Variants in NXPE2 observed in about 807,000 individuals in gnomAD.
NXPE2 encodes NXPE family member 2.
Under a neutral mutation model 34.4 loss-of-function variants are expected in NXPE2, and 34 were observed. That is an observed-to-expected ratio of 0.99 (90% CI 0.75 to 1.31). The LOEUF (loss-of-function observed/expected upper bound fraction) is 1.31. NXPE2 is among the 40% of genes most tolerant of loss of function. The pLI, the probability that NXPE2 is intolerant of heterozygous loss-of-function variation, is 0.00. For missense variants in NXPE2, 649 were observed against 672.5 expected (o/e 0.97, Z 0.39); for synonymous variants, 235 against 231.3 (o/e 1.02, Z -0.15).
chr11:114,551,923 A>T, the NXPE2 span: 1 of 152,206 alleles, frequency 6.6e-6, no homozygotes, highest in African/African-American at 2.4e-5. Flanking sequence ...TATGATTTAA[A>T]TAGCTTATTT....
At chr11:114,658,939 G>T in the NXPE2 span, among the ~76,000 whole-genome samples, 1 of 152,166 alleles carries the variant, frequency 6.6e-6, no homozygotes, top group Admixed American at 6.5e-5. Context: ...ACAAGGGCAT[G>T]AAGAGAGGCT....
chr11:114,483,157 T>C, the NXPE2 span, among the ~76,000 whole-genome samples: 3 of 152,236 alleles, frequency 2.0e-5, no homozygotes. Flanking sequence ...AATTTCAATA[T>C]ATAGATTTGT....
At chr11:114,579,368 G>A in the NXPE2 span, among the ~76,000 whole-genome samples, 1 of 152,250 alleles carries the variant, frequency 6.6e-6, no homozygotes, top group Middle Eastern at 3.4e-3. Context: ...AGATTTGGAG[G>A]GGACAATCAG....
chr11:114,737,340 G>T, the NXPE2 span, among the ~76,000 whole-genome samples: 1 of 152,004 alleles, frequency 6.6e-6, no homozygotes, highest in Non-Finnish European at 1.5e-5. Context: ...CAGAGATTGG[G>T]GTAGAGATGG....
chr11:114,638,560 G>A, the NXPE2 span, among the ~76,000 whole-genome samples: 60 of 151,912 alleles, frequency 3.9e-4, no homozygotes, highest in South Asian at 2.5e-3. Flanking sequence ...AGAGTTTCCC[G>A]TTTTTCTGCT....
chr11:114,498,389 G>C, the NXPE2 span, among the ~76,000 whole-genome samples: 11 of 152,168 alleles, frequency 7.2e-5, no homozygotes, highest in Admixed American at 3.9e-4. Context: ...ATTAGACATT[G>C]TATGCTTGTA....
At chr11:114,672,271 C>T in the NXPE2 span, among the ~76,000 whole-genome samples, 1 of 151,860 alleles carries the variant, frequency 6.6e-6, no homozygotes, top group East Asian at 1.9e-4. Context: ...AACATAAAAA[C>T]CATGAATAAT....
At chr11:114,673,208 C>T in the NXPE2 span, among the ~76,000 whole-genome samples, 2 of 150,828 alleles carry the variant, frequency 1.3e-5, no homozygotes, top group Admixed American at 6.6e-5. Context: ...TAAAATTAAA[C>T]AACACACTAC....
chr11:114,541,532 G>T, the NXPE2 span, among the ~76,000 whole-genome samples: 1 of 152,216 alleles, frequency 6.6e-6, no homozygotes, highest in South Asian at 2.1e-4. Flanking sequence ...ACAGCCGTCA[G>T]GAGGTCCTGA....
the NXPE2 span, among the ~76,000 whole-genome samples, chr11:114,616,195 G>A: frequency 1.3e-5 from 2 of 151,626 alleles, no homozygotes; most frequent in Non-Finnish European, 2.9e-5. Flanking sequence ...TGTCTCATGA[G>A]TAACTGCTGT....
At chr11:114,512,921 T>G in the NXPE2 span, 3 of 309,672 alleles carry the variant, frequency 9.7e-6, no homozygotes, top group Non-Finnish European at 1.9e-5. Flanking sequence ...ACCTGAGAGG[T>G]GCCGCTGGAA....
chr11:114,617,162 A>G, the NXPE2 span, among the ~76,000 whole-genome samples: 3 of 151,918 alleles, frequency 2.0e-5, no homozygotes, highest in African/African-American at 7.3e-5. Context: ...GTGGGTAACC[A>G]TTGTTACCCA....
chr11:114,607,055 G>A, the NXPE2 span, among the ~76,000 whole-genome samples: 9 of 151,760 alleles, frequency 5.9e-5, no homozygotes, highest in Non-Finnish European at 7.4e-5. Flanking sequence ...GTATTGCCTC[G>A]TGGGTAACCA....
Position 114,706,713 on chromosome 11 carries a change from A to G in NXPE2, c.1463A>G (p.Lys488Arg), listed in dbSNP as rs1266433994. 1 of 1,552,310 alleles carries G rather than the reference A, an allele frequency of 6.4e-7. No individual in the cohort carries two copies. Among genetic ancestry groups the G allele is most frequent in the Non-Finnish European group, 8.7e-7 (1 of 1,147,088 alleles). Residue 488 changes from lysine (K) to arginine (R), a missense_variant, in exon 6 of 6, where the codon AAA (lysine) becomes AGA (arginine). Transcript: ENST00000389586. ...LRSPETKVIL[K>R]TENTREIEQN... is the part of the protein sequence containing the mutation. Reference sequence around the variant, plus strand: ...AGCCCGGAGACCAAGGTGATACTTAAAACTGAAAACACCAGAGAGATAGAA... The same window carrying G: ...AGCCCGGAGACCAAGGTGATACTTAGAACTGAAAACACCAGAGAGATAGAA...
At chr11:114,745,827 T>C in the NXPE2 span, among the ~76,000 whole-genome samples, 1 of 152,140 alleles carries the variant, frequency 6.6e-6, no homozygotes, top group East Asian at 1.9e-4. Context: ...CTTTTACCAA[T>C]TTTAATGTTA....
At chr11:114,586,837 A>C in the NXPE2 span, among the ~76,000 whole-genome samples, 1 of 152,120 alleles carries the variant, frequency 6.6e-6, no homozygotes, top group Non-Finnish European at 1.5e-5. Context: ...TGCTTTAAAA[A>C]TTTTTACAGT....
chr11:114,725,976 A>AAATATATATATATATATATATATATATAT, the NXPE2 span, among the ~76,000 whole-genome samples: 7 of 101,742 alleles, frequency 6.9e-5, no homozygotes, highest in East Asian at 7.3e-4. Flanking sequence ...ATAAAAAAAA[A>AAATATATATATATATATATATATATATAT]ATATATATAT....
At chr11:114,602,252 A>G in the NXPE2 span, among the ~76,000 whole-genome samples, 1 of 117,676 alleles carries the variant, frequency 8.5e-6, no homozygotes, top group Non-Finnish European at 1.6e-5. Flanking sequence ...TATACAATAT[A>G]TGTTATATAT....
chr11:114,605,840 C>T, the NXPE2 span, among the ~76,000 whole-genome samples: 3 of 151,400 alleles, frequency 2.0e-5, no homozygotes, highest in African/African-American at 7.3e-5. Flanking sequence ...AGTATTGCCT[C>T]ATGGGTAACC....
Sources: allele counts gnomAD v4.1 joint callset (sites outside exome capture counted in the v4.1 genomes callset), GRCh38; gene constraint gnomAD v4.1.1; transcripts MANE v1.5; gene names NCBI Gene and HGNC (gene_info 2026-07-23, HGNC 2026-07-21).